MAPKAPK2: variants seen among roughly 807,000 people sequenced by gnomAD.
MAPKAPK2 encodes the protein MAP kinase-activated protein kinase 2.
MAPKAPK2 carries 9 observed loss-of-function variants against 48.8 expected under a neutral mutation model. The observed-to-expected ratio is 0.18, with a 90% CI of 0.11 to 0.32. The LOEUF (loss-of-function observed/expected upper bound fraction) is 0.32. Ranked by LOEUF, MAPKAPK2 falls within the 10% of genes least tolerant of loss-of-function variation. The pLI, the probability that MAPKAPK2 is intolerant of heterozygous loss-of-function variation, is 1.00. For missense variants in MAPKAPK2, 331 were observed against 498.3 expected (o/e 0.66, Z 3.20); for synonymous variants, 202 against 190.6 (o/e 1.06, Z -0.49).
intron 1 of MAPKAPK2, among the ~76,000 whole-genome samples, chr1:206,719,593 A>G (rs1673449454): frequency 6.6e-6 from 1 of 152,214 alleles, no homozygotes; most frequent in Non-Finnish European, 1.5e-5. Flanking sequence ...TCATGGTTCT[A>G]GGGGAGAACC....
Position 206,731,694 on chromosome 1 carries a change from T to C in MAPKAPK2, c.947T>C (p.Ile316Thr). Residue 316 changes from isoleucine to threonine, a missense_variant, in exon 8 of 10, where the codon ATC becomes ACC. Around this residue, in one of 4 missense-constraint regions of MAPKAPK2, gnomAD observed 124 missense variants for 194.6 expected, o/e 0.64. Coordinates refer to ENST00000367103, the MANE Select transcript of MAPKAPK2 (RefSeq NM_032960.4). This position sits in a 1 kb window ranked among gnomAD's most constrained non-coding sequence, Gnocchi z 5.9. Reference sequence around the variant, plus strand: ...ACAGAGCCCACCCAGAGAATGACCATCACCGAGTTTATGAACCACCCTTGG... The same window carrying C: ...ACAGAGCCCACCCAGAGAATGACCACCACCGAGTTTATGAACCACCCTTGG... ...LKTEPTQRMTITEFMNHPWIM... is the reference protein window; with the variant it reads ...LKTEPTQRMTTTEFMNHPWIM... 6.2e-7 allele frequency: 1 copy of C among 1,614,096 alleles called. No homozygotes were observed. The highest frequency in any genetic ancestry group is 8.5e-7 in the Non-Finnish European group (1 of 1,180,008).
Position 206,685,448 on chromosome 1 carries a change from C to T in MAPKAPK2, c.219C>T (p.Gly73=). The change falls in exon 1 of 10, where the codon GGC becomes GGT. Residue 73 remains glycine, a synonymous_variant. Transcript: ENST00000367103. ...TCACCAGCCAGGTCCTGGGGCTGGG[C>T]ATCAACGGCAAAGTTTTGCAGATCT... ...YKVTSQVLGL[G]INGKVLQIFN... 4 of 1,544,094 alleles carry T rather than the reference C, an allele frequency of 2.6e-6. No homozygotes were observed. The highest frequency in any genetic ancestry group is 2.6e-5 in the East Asian group (1 of 37,762).
intron 1 of MAPKAPK2, among the ~76,000 whole-genome samples, chr1:206,716,013 T>A (rs1479744932): frequency 2.6e-5 from 4 of 152,010 alleles, no homozygotes; most frequent in Non-Finnish European, 5.9e-5. Context: ...TTTTTTTTTT[T>A]AATTTCCCTC....
At chr1:206,696,469 C>T (rs1258670016) in intron 1 of MAPKAPK2, among the ~76,000 whole-genome samples, 1 of 152,130 alleles carries the variant, frequency 6.6e-6, no homozygotes, top group East Asian at 1.9e-4. Flanking sequence ...TTTGGAAGGA[C>T]AAGTGGGAGG....
intron 1 of MAPKAPK2, among the ~76,000 whole-genome samples, chr1:206,722,738 C>T (rs1027190388): frequency 1.3e-5 from 2 of 152,230 alleles, no homozygotes; most frequent in African/African-American, 4.8e-5. Context: ...CTGCCAGCCC[C>T]CCTCGGCCTG....
intron 1 of MAPKAPK2, among the ~76,000 whole-genome samples, chr1:206,694,321 A>G (rs1329033512): frequency 1.3e-5 from 2 of 152,156 alleles, no homozygotes; most frequent in Non-Finnish European, 2.9e-5. Context: ...CTAGAGTTAC[A>G]TACTCTGACC....
chr1:206,685,522 C>A lies in MAPKAPK2; in HGVS notation c.279+14C>A. 6.7e-7 allele frequency: 1 copy of A among 1,498,994 alleles called. No individual in the cohort carries two copies. 92.9% of individuals were successfully genotyped at this position (1,498,994 alleles called of 1,614,324 possible). A position where few individuals can be genotyped will look rare whatever the true frequency, so the allele number is the denominator to read the frequency against. On this transcript the variant is annotated intron_variant, in intron 1 of 9. Coordinates refer to ENST00000367103, the MANE Select transcript of MAPKAPK2 (RefSeq NM_032960.4). ...TTCGCCCTCAAAGTAGGTCTGGGGC[C>A]CGGGGAGGGGAGGCGGGGCCGGTCC...
At chr1:206,729,578 C>T (rs1210839847) in intron 4 of MAPKAPK2, 103 bp downstream of exon 4, 8 of 1,003,890 alleles carry the variant, frequency 8.0e-6, no homozygotes, top group South Asian at 1.4e-5. Context: ...TCCTTGCTGC[C>T]TGGTTCCTGA....
At chr1:206,717,550 C>T (rs547264998) in intron 1 of MAPKAPK2, among the ~76,000 whole-genome samples, 40 of 152,228 alleles carry the variant, frequency 2.6e-4, no homozygotes, top group Non-Finnish European at 3.5e-4. Flanking sequence ...GGCCTCTGCT[C>T]GCTCCTTATC....
intron 1 of MAPKAPK2, among the ~76,000 whole-genome samples, chr1:206,701,845 A>AG (rs1672806675): frequency 6.6e-6 from 1 of 151,000 alleles, no homozygotes; most frequent in Non-Finnish European, 1.5e-5. Context: ...AAAAAAAAAA[A>AG]AAAAAAAAAA....
At position 206,731,889 on chromosome 1, in the gene MAPKAPK2, G is replaced by A. The variant is rs781819454; in HGVS notation, c.1029G>A (p.Lys343=). The A allele has an allele frequency of 5.9e-5, 95 of 1,614,082 alleles. No individual in the cohort carries two copies. The highest frequency in any genetic ancestry group is 7.8e-5 in the Non-Finnish European group (92 of 1,180,046). Residue 343 remains lysine, a synonymous_variant, in exon 9 of 10, where the codon AAG becomes AAA. Coordinates refer to ENST00000367103, the MANE Select transcript of MAPKAPK2 (RefSeq NM_032960.4). The surrounding 1 kb of genome is among the most constrained non-coding windows in gnomAD (Gnocchi z 5.9). The part of the protein sequence containing the change: ...QTPLHTSRVL[K]EDKERWEDVK... ...CACTGCACACCAGCCGGGTCCTGAA[G>A]GAGGACAAGGAGCGGTGGGAGGATG... is the stretch of plus-strand genomic sequence containing the variant.
chr1:206,699,978 T>C (rs1672746566), intron 1 of MAPKAPK2, among the ~76,000 whole-genome samples: 1 of 151,068 alleles, frequency 6.6e-6, no homozygotes. Flanking sequence ...CTCTCTTCTT[T>C]TTTTCTCTTT....
intron 1 of MAPKAPK2, among the ~76,000 whole-genome samples, chr1:206,713,465 G>T (rs1408412355): frequency 6.6e-6 from 1 of 152,212 alleles, no homozygotes; most frequent in Non-Finnish European, 1.5e-5. Context: ...ATGTCAGCCA[G>T]TGGAGATGTT....
At chr1:206,727,871 C>T (rs546764949) in intron 1 of MAPKAPK2, among the ~76,000 whole-genome samples, 34 of 152,322 alleles carry the variant, frequency 2.2e-4, no homozygotes, top group African/African-American at 7.7e-4. Context: ...GATCTGCCTG[C>T]CTCGGCCTCC....
chr1:206,732,420 T>C lies in MAPKAPK2; in HGVS notation c.1060-155T>C, dbSNP rs1673948410. On this transcript the variant is annotated intron_variant, in intron 9 of 9. Coordinates refer to ENST00000367103, the MANE Select transcript of MAPKAPK2 (RefSeq NM_032960.4). This position sits in a 1 kb window ranked among gnomAD's most constrained non-coding sequence, Gnocchi z 4.4. Reference sequence around the variant, plus strand: ...TGGGGTGAGGCTGCCGTTGTCAGCGTGGACCACTAACCAGCCCGTCTTCTC... The same window carrying C: ...TGGGGTGAGGCTGCCGTTGTCAGCGCGGACCACTAACCAGCCCGTCTTCTC... The C allele has an allele frequency of 2.7e-6, 4 of 1,466,928 alleles. No homozygotes were observed. Among genetic ancestry groups the C allele is most frequent in the Non-Finnish European group, 3.6e-6 (4 of 1,107,310 alleles). 90.9% of individuals were successfully genotyped at this position (1,466,928 alleles called of 1,614,324 possible).
chr1:206,725,464 T>C (rs1553431760), intron 1 of MAPKAPK2, among the ~76,000 whole-genome samples: 2 of 152,214 alleles, frequency 1.3e-5, no homozygotes, highest in African/African-American at 4.8e-5. Context: ...TTAATGGTAC[T>C]GGTTGACAGT....
intron 1 of MAPKAPK2, among the ~76,000 whole-genome samples, chr1:206,705,176 C>G (rs1672916651): frequency 6.6e-6 from 1 of 151,780 alleles, no homozygotes; most frequent in Non-Finnish European, 1.5e-5. Context: ...TGGGTCAGCA[C>G]AAGTTGGAGA....
chr1:206,724,963 A>C (rs143016934), intron 1 of MAPKAPK2, among the ~76,000 whole-genome samples: 145 of 152,344 alleles, frequency 9.5e-4, no homozygotes, highest in African/African-American at 3.4e-3. Flanking sequence ...TTATTTCACG[A>C]AGTTGAATCT....
intron 1 of MAPKAPK2, chr1:206,695,756 A>ATC (rs549853933): frequency 1.6e-4 from 34 of 209,050 alleles, no homozygotes; most frequent in African/African-American, 5.2e-4. Flanking sequence ...TGTGCAAGGC[A>ATC]TCTCTCTCTC....
Sources: allele counts gnomAD v4.1 joint callset (sites outside exome capture counted in the v4.1 genomes callset), GRCh38; gene constraint gnomAD v4.1.1; regional missense constraint gnomAD v4.1.1; non-coding constraint Gnocchi (gnomAD v3.1); transcripts MANE v1.5; gene names NCBI Gene and HGNC (gene_info 2026-07-23, HGNC 2026-07-21).